ST3GAL3: variants seen among roughly 807,000 people sequenced by gnomAD.
ST3GAL3 encodes the protein ST3 beta-galactoside alpha-2,3-sialyltransferase 3.
ST3GAL3 carries 21 observed loss-of-function variants against 50.1 expected under a neutral mutation model. The ratio of observed to expected loss-of-function variants is 0.42; its 90% confidence interval spans 0.30 to 0.60. The LOEUF (loss-of-function observed/expected upper bound fraction) is 0.60. ST3GAL3 is among the 20% of genes least tolerant of loss of function. The probability of loss-of-function intolerance (pLI) is 0.19; values close to 1 mark genes in which losing one functional copy is unlikely to be tolerated. For missense variants in ST3GAL3, 353 were observed against 489.4 expected (o/e 0.72, Z 2.63); for synonymous variants, 183 against 190.0 (o/e 0.96, Z 0.30).
At chr1:43,902,263 T>A (rs2078411222) in intron 9 of ST3GAL3, among the ~76,000 whole-genome samples, 1 of 152,244 alleles carries the variant, frequency 6.6e-6, no homozygotes, top group Non-Finnish European at 1.5e-5. Context: ...GAGGCAGCTC[T>A]GTGTTCTGGA....
At chr1:43,838,172 C>T (rs1277585290) in intron 4 of ST3GAL3, 47 bp from the exon 5 acceptor site, 2 of 1,184,718 alleles carry the variant, frequency 1.7e-6, no homozygotes, top group African/African-American at 3.2e-5. Context: ...ATAACCCACT[C>T]AGTGCTCAGT....
chr1:43,807,677 A>C (rs1227076644), intron 3 of ST3GAL3, among the ~76,000 whole-genome samples: 2 of 152,214 alleles, frequency 1.3e-5, no homozygotes, highest in African/African-American at 2.4e-5. Flanking sequence ...CCAGGTGAGA[A>C]GTAAAGCTGG....
chr1:43,763,191 C>G (rs760802979), intron 2 of ST3GAL3, among the ~76,000 whole-genome samples: 1 of 152,102 alleles, frequency 6.6e-6, no homozygotes, highest in South Asian at 2.1e-4. Context: ...TTCCCCCATC[C>G]GGTGAGTACT....
intron 5 of ST3GAL3, among the ~76,000 whole-genome samples, chr1:43,887,337 G>A (rs1333049024): frequency 2.6e-5 from 4 of 152,170 alleles, no homozygotes; most frequent in Non-Finnish European, 5.9e-5. Flanking sequence ...TGGAACCAAC[G>A]GGTACAGGAC....
Position 43,787,156 on chromosome 1 carries a change from C to T in ST3GAL3, c.119-4946C>T, listed in dbSNP as rs573040687. ...CCTCATTGAACAAAGTCATGTGCAG[C>T]AAGGCTGTGCTGTACTTTGGTCTGG... On this transcript the variant is annotated intron_variant, in intron 2 of 11. Transcript: ENST00000347631. 1.9e-3 allele frequency among the ~76,000 whole-genome samples: 285 copies of T among 152,304 alleles called. 1 individual carries two copies. The highest frequency in any genetic ancestry group is 3.3e-3 in the Non-Finnish European group (224 of 68,022).
intron 4 of ST3GAL3, among the ~76,000 whole-genome samples, chr1:43,822,122 A>T (rs925897292): frequency 6.6e-6 from 1 of 152,208 alleles, no homozygotes; most frequent in African/African-American, 2.4e-5. Context: ...GAGTCAAAGG[A>T]AGAGAGGCAG....
In ST3GAL3 at chr1:43,930,701, G is replaced by A. The variant is rs1174641783; in HGVS notation, c.*480G>A. On this transcript the variant is annotated 3_prime_UTR_variant, in exon 12 of 12. Coordinates refer to ENST00000347631, the MANE Select transcript of ST3GAL3 (RefSeq NM_006279.5). ...AGCTCCCTGTGGGGCAGGAGTGCCA[G>A]GACCAGCCTGTACCTTGCTGTGGGG... The A allele has an allele frequency of 3.4e-6, 1 of 293,582 alleles. No homozygotes were observed. The highest frequency in any genetic ancestry group is 6.7e-6 in the Non-Finnish European group (1 of 149,304). The allele number at this position is 293,582 out of a possible 1,614,324, so 18.2% of individuals were successfully genotyped here. A position where few individuals can be genotyped will look rare whatever the true frequency, so the allele number is the denominator to read the frequency against.
intron 2 of ST3GAL3, among the ~76,000 whole-genome samples, chr1:43,755,790 A>G (rs1025162507): frequency 6.6e-6 from 1 of 152,202 alleles, no homozygotes; most frequent in Admixed American, 6.5e-5. Flanking sequence ...TGAACCATAA[A>G]ATTAAAAATT....
intron 5 of ST3GAL3, among the ~76,000 whole-genome samples, chr1:43,886,443 C>G (rs544832158): frequency 6.6e-6 from 1 of 152,126 alleles, no homozygotes; most frequent in African/African-American, 2.4e-5. Context: ...CTGATTGGAT[C>G]ACAATACATT....
chr1:43,716,241 G>A (rs924286035), intron 1 of ST3GAL3, among the ~76,000 whole-genome samples: 1 of 152,208 alleles, frequency 6.6e-6, no homozygotes, highest in Non-Finnish European at 1.5e-5. Context: ...TGGAGTATCT[G>A]CTAGGTGCCA....
chr1:43,801,595 G>T, intron 3 of ST3GAL3: 1 of 294,608 alleles, frequency 3.4e-6, no homozygotes, highest in Non-Finnish European at 6.9e-6. Flanking sequence ...GAGAGGACTT[G>T]GAGTTGTCTA....
At chr1:43,831,149 A>G (rs1397409623) in intron 4 of ST3GAL3, among the ~76,000 whole-genome samples, 1 of 152,182 alleles carries the variant, frequency 6.6e-6, no homozygotes, top group East Asian at 1.9e-4. Context: ...GGTGGCTTAA[A>G]CTCCAATCTT....
intron 4 of ST3GAL3, among the ~76,000 whole-genome samples, chr1:43,832,943 A>G (rs2063741057): frequency 6.6e-6 from 1 of 152,188 alleles, no homozygotes; most frequent in African/African-American, 2.4e-5. Context: ...TCCCCCTAGC[A>G]TGGTAACACT....
intron 5 of ST3GAL3, among the ~76,000 whole-genome samples, chr1:43,881,071 C>T (rs1364989837): frequency 1.3e-5 from 2 of 151,694 alleles, no homozygotes; most frequent in Non-Finnish European, 1.5e-5. Context: ...AGTGCAATGG[C>T]GCGATCTCAG....
At chr1:43,833,414 T>G (rs2063809147) in intron 4 of ST3GAL3, among the ~76,000 whole-genome samples, 1 of 152,192 alleles carries the variant, frequency 6.6e-6, no homozygotes, top group South Asian at 2.1e-4. Flanking sequence ...AACTATGTCC[T>G]AGTCATCATT....
intron 9 of ST3GAL3, among the ~76,000 whole-genome samples, chr1:43,910,804 A>G (rs2154285909): frequency 6.6e-6 from 1 of 152,338 alleles, no homozygotes; most frequent in East Asian, 1.9e-4. Context: ...GGGGTGTGGC[A>G]TGGGCATGGT....
At chr1:43,795,462 C>G (rs2058581363) in intron 3 of ST3GAL3, among the ~76,000 whole-genome samples, 1 of 152,210 alleles carries the variant, frequency 6.6e-6, no homozygotes, top group Non-Finnish European at 1.5e-5. Context: ...GGAATATTTG[C>G]AAGAGGCCAA....
intron 6 of ST3GAL3, among the ~76,000 whole-genome samples, chr1:43,897,293 T>C (rs2077532026): frequency 6.6e-6 from 1 of 152,244 alleles, no homozygotes; most frequent in Non-Finnish European, 1.5e-5. Context: ...ATTGTGGTGA[T>C]ACCAGTTTAC....
intron 1 of ST3GAL3, among the ~76,000 whole-genome samples, chr1:43,721,134 A>G (rs1038447505): frequency 6.6e-6 from 1 of 151,886 alleles, no homozygotes; most frequent in Non-Finnish European, 1.5e-5. Flanking sequence ...AGTTTCAGCT[A>G]CTTGGGAGGT....
Sources: gnomAD v4.1 joint callset for allele counts (sites outside exome capture counted in the v4.1 genomes callset) on GRCh38, gnomAD v4.1.1 for gene constraint, MANE v1.5 for transcripts, NCBI Gene and HGNC (gene_info 2026-07-23, HGNC 2026-07-21) for gene names.